Variants in MINAR1 observed in about 807,000 individuals in gnomAD.
The protein encoded by MINAR1 is major intrinsically disordered Notch2-binding receptor 1.
In MINAR1, 40 loss-of-function variants were observed where a neutral mutation model predicts 65.1. That is an observed-to-expected ratio of 0.61 (90% CI 0.48 to 0.80). The LOEUF (loss-of-function observed/expected upper bound fraction) is 0.80, where lower values mean the gene tolerates loss of function less well. Among genes scored for constraint, MINAR1 ranks in the 30% least tolerant of loss-of-function variants. The pLI, the probability that MINAR1 is intolerant of heterozygous loss-of-function variation, is 0.00. For synonymous variants in MINAR1, 482 were observed against 449.1 expected (o/e 1.07, Z -0.93); for missense variants, 1,128 against 1,148.0 (o/e 0.98, Z 0.25).
intron 1 of MINAR1, among the ~76,000 whole-genome samples, chr15:79,434,159 TCAAA>T (rs916676208): frequency 9.2e-5 from 14 of 152,198 alleles, no homozygotes; most frequent in South Asian, 2.1e-4. Flanking sequence ...AAAGAATAGA[TCAAA>T]CAGTTTATTT....
chr15:79,453,129 C>A (rs1001655918), intron 1 of MINAR1, among the ~76,000 whole-genome samples: 7 of 152,046 alleles, frequency 4.6e-5, no homozygotes, highest in African/African-American at 1.7e-4. Flanking sequence ...TCCTTTTCCT[C>A]ATTTCTCTTG....
intron 3 of MINAR1, 95 bp from the exon 4 acceptor site, chr15:79,468,092 A>C (rs939667718): frequency 3.1e-6 from 3 of 965,758 alleles, no homozygotes; most frequent in Non-Finnish European, 4.7e-6. Flanking sequence ...CCAGCTGCAG[A>C]CAACTTAAGT....
chr15:79,444,785 A>G (rs1894965148), intron 1 of MINAR1, among the ~76,000 whole-genome samples: 1 of 151,340 alleles, frequency 6.6e-6, no homozygotes, highest in Admixed American at 6.6e-5. Context: ...AAAAAAAATC[A>G]CTGCAGGATA....
intron 1 of MINAR1, among the ~76,000 whole-genome samples, chr15:79,437,247 T>C (rs1475064729): frequency 6.6e-6 from 1 of 152,194 alleles, no homozygotes; most frequent in East Asian, 1.9e-4. Flanking sequence ...CCATGGAAGT[T>C]GAAGAAGATG....
upstream of MINAR1, among the ~76,000 whole-genome samples, chr15:79,429,820 T>C (rs1894396838): frequency 6.6e-6 from 1 of 152,238 alleles, no homozygotes; most frequent in African/African-American, 2.4e-5. Flanking sequence ...GAAGATGGGC[T>C]GTGCACAAAG....
chr15:79,460,036 C>T (rs1055721421), intron 2 of MINAR1, among the ~76,000 whole-genome samples: 31 of 152,182 alleles, frequency 2.0e-4, no homozygotes, highest in African/African-American at 7.0e-4. Context: ...ACCAGCCATG[C>T]CTCCCACCTA....
chr15:79,440,446 C>A (rs932633087), intron 1 of MINAR1, among the ~76,000 whole-genome samples: 2 of 152,190 alleles, frequency 1.3e-5, no homozygotes, highest in Non-Finnish European at 2.9e-5. Context: ...TTCTGCATGT[C>A]CCTGGGGCAG....
chr15:79,456,888 A>T lies in MINAR1; in HGVS notation c.741A>T (p.Pro247=). The T allele has an allele frequency of 6.2e-7, 1 of 1,614,194 alleles. No individual in the cohort carries two copies. The highest frequency in any genetic ancestry group is 1.1e-5 in the South Asian group (1 of 91,080). ...AGACCTTCATTTCCAATGAGGAGCC[A>T]TTTGTGGTCCAGTCCTGTGTCCAGA... ...IKETFISNEE[P]FVVQSCVQKR... is the part of the protein sequence containing the mutation. The change falls in exon 2 of 4, where the codon CCA becomes CCT. Residue 247 remains proline (P), a synonymous_variant. Transcript: ENST00000305428.
upstream of MINAR1, among the ~76,000 whole-genome samples, chr15:79,431,509 G>C (rs1894434832): frequency 6.9e-6 from 1 of 144,566 alleles, no homozygotes; most frequent in African/African-American, 2.8e-5. Context: ...GTATGTGTGT[G>C]TGTGTGGGGG....
Position 79,463,058 on chromosome 15 carries a change from C to T in MINAR1, c.2299-9C>T. ...CCACTTGTCTGGACTTCTTTGTGCCCCTCTGCAGGCAGACAGGCAGTACGA... is the reference window on the plus strand; with the variant it reads ...CCACTTGTCTGGACTTCTTTGTGCCTCTCTGCAGGCAGACAGGCAGTACGA... On this transcript the variant is annotated splice_polypyrimidine_tract_variant and intron_variant, in intron 2 of 3. Coordinates refer to ENST00000305428, the MANE Select transcript of MINAR1 (RefSeq NM_015206.3). 6.2e-7 allele frequency: 1 copy of T among 1,606,686 alleles called. No homozygotes were observed. The highest frequency in any genetic ancestry group is 8.5e-7 in the Non-Finnish European group (1 of 1,174,532).
chr15:79,457,873 G>A lies in MINAR1; in HGVS notation c.1726G>A (p.Gly576Arg), dbSNP rs1244411249. ...TGCCAATGGGGTCCCCAACAGCAAG[G>A]GAGACAAGGGCAACCGGCCTGAAAA... ...KIANGVPNSK[G>R]DKGNRPENTH... is the part of the protein sequence containing the mutation. The change falls in exon 2 of 4, where the codon GGA (glycine) becomes AGA (arginine). Residue 576 changes from glycine to arginine, a missense_variant. Gly to Arg is a moderately radical substitution (Grantham distance 125). Coordinates refer to ENST00000305428, the MANE Select transcript of MINAR1 (RefSeq NM_015206.3). 1 of 1,614,096 alleles carries A rather than the reference G, an allele frequency of 6.2e-7. No individual in the cohort carries two copies. The highest frequency in any genetic ancestry group is 1.7e-5 in the Admixed American group (1 of 60,018).
At chr15:79,463,765 G>C (rs1240064106) in intron 3 of MINAR1, 4 of 457,934 alleles carry the variant, frequency 8.7e-6, no homozygotes, top group Admixed American at 4.7e-5. Context: ...CCCCAGGTAA[G>C]AGCCATCCCC....
At chr15:79,452,620 G>A (rs1299121268) in intron 1 of MINAR1, among the ~76,000 whole-genome samples, 1 of 136,000 alleles carries the variant, frequency 7.4e-6, no homozygotes, top group African/African-American at 2.7e-5. Context: ...CTGGGTGTCT[G>A]GATGAGTCTG....
intron 1 of MINAR1, among the ~76,000 whole-genome samples, chr15:79,437,760 TG>T (rs1232431120): frequency 2.9e-5 from 1 of 34,670 alleles, no homozygotes; most frequent in Non-Finnish European, 5.3e-5. Flanking sequence ...AGGTAGTGTG[TG>T]GGGTGTGAGT....
chr15:79,466,869 A>G (rs895637563), intron 3 of MINAR1, among the ~76,000 whole-genome samples: 1 of 152,232 alleles, frequency 6.6e-6, no homozygotes, highest in Non-Finnish European at 1.5e-5. Flanking sequence ...TCTGAAACCC[A>G]CTGAGACCCA....
intron 1 of MINAR1, among the ~76,000 whole-genome samples, chr15:79,435,808 TTAAAA>T (rs1425808776): frequency 3.3e-5 from 5 of 152,208 alleles, no homozygotes; most frequent in African/African-American, 1.2e-4. Context: ...AGGAAGTCCT[TTAAAA>T]TAATTAAAGT....
Position 79,463,111 on chromosome 15 carries a change from G to A in MINAR1, c.2343G>A (p.Lys781=), listed in dbSNP as rs747698040. 2.5e-6 allele frequency: 4 copies of A among 1,614,162 alleles called. No homozygotes were observed. In the East Asian group the frequency reaches 8.9e-5, roughly 36 times the overall value. The change falls in exon 3 of 4, where the codon AAG becomes AAA. Residue 781 remains lysine, a synonymous_variant. Transcript: ENST00000305428. ...YDIPPQHRLP[K]QPKDGFLVEQ... is the part of the protein sequence containing the mutation. The stretch of plus-strand genomic sequence containing the variant: ...TTCCCCCACAGCACCGACTGCCCAA[G>A]CAGCCCAAAGATGGCTTCCTGGTGG...
chr15:79,428,786 G>C (rs535051052), upstream of MINAR1, among the ~76,000 whole-genome samples: 1 of 152,240 alleles, frequency 6.6e-6, no homozygotes, highest in Admixed American at 6.5e-5. Context: ...TTTTCTAATA[G>C]TTCAATACAT....
upstream of MINAR1, among the ~76,000 whole-genome samples, chr15:79,428,256 CCCT>C (rs1400569781): frequency 9.6e-6 from 1 of 103,786 alleles, no homozygotes; most frequent in African/African-American, 3.8e-5. Context: ...CTCCCTCCTT[CCCT>C]CCTTCCTTTC....
Sources: allele counts gnomAD v4.1 joint callset (sites outside exome capture counted in the v4.1 genomes callset), GRCh38; gene constraint gnomAD v4.1.1; transcripts MANE v1.5; gene names NCBI Gene and HGNC (gene_info 2026-07-23, HGNC 2026-07-21).